Variants in CAMK2D observed in about 807,000 individuals in gnomAD.
The protein encoded by CAMK2D is calcium/calmodulin dependent protein kinase II delta.
Under a neutral mutation model 84.0 loss-of-function variants are expected in CAMK2D, and 37 were observed. The ratio of observed to expected loss-of-function variants is 0.44; its 90% CI spans 0.34 to 0.58. CAMK2D has a LOEUF of 0.58. Ranked by LOEUF, CAMK2D falls within the 20% of genes least tolerant of loss-of-function variation. The pLI is 0.02. For missense variants in CAMK2D, 448 were observed against 652.5 expected, an observed-to-expected ratio of 0.69 and a Z score of 3.41; for synonymous variants, 202 against 212.5, an observed-to-expected ratio of 0.95 and a Z score of 0.43.
intron 2 of CAMK2D, among the ~76,000 whole-genome samples, chr4:113,726,420 A>C (rs1234683465): frequency 2.8e-5 from 3 of 108,686 alleles, no homozygotes; most frequent in Non-Finnish European, 5.1e-5. Flanking sequence ...TCACTCTGTT[A>C]CTCAGGCTGG....
At chr4:113,736,202 C>G (rs2099580965) in intron 2 of CAMK2D, among the ~76,000 whole-genome samples, 1 of 150,810 alleles carries the variant, frequency 6.6e-6, no homozygotes, top group Non-Finnish European at 1.5e-5. Context: ...TTACTGCCAT[C>G]TTAAAATCAG....
At chr4:113,706,883 C>G (rs1405158827) in intron 2 of CAMK2D, among the ~76,000 whole-genome samples, 1 of 152,056 alleles carries the variant, frequency 6.6e-6, no homozygotes, top group Non-Finnish European at 1.5e-5. Context: ...GCATTTTTAA[C>G]AACACAATCA....
intron 17 of CAMK2D, among the ~76,000 whole-genome samples, chr4:113,463,079 G>A (rs2097410157): frequency 6.6e-6 from 1 of 152,006 alleles, no homozygotes; most frequent in Admixed American, 6.6e-5. Flanking sequence ...ATAAAGAATG[G>A]ATACACTCAT....
At chr4:113,725,080 T>C (rs956518698) in intron 2 of CAMK2D, among the ~76,000 whole-genome samples, 24 of 152,198 alleles carry the variant, frequency 1.6e-4, no homozygotes, top group Non-Finnish European at 2.8e-4. Flanking sequence ...TAGATATGCA[T>C]TAAAACCCAT....
chr4:113,590,295 T>C (rs1429573794), intron 4 of CAMK2D, among the ~76,000 whole-genome samples: 1 of 152,192 alleles, frequency 6.6e-6, no homozygotes, highest in African/African-American at 2.4e-5. Context: ...ACAGGTTAAC[T>C]TGATAGTATA....
At chr4:113,568,870 C>T (rs1403335178) in intron 4 of CAMK2D, among the ~76,000 whole-genome samples, 2 of 151,780 alleles carry the variant, frequency 1.3e-5, no homozygotes, top group Non-Finnish European at 2.9e-5. Context: ...TTTCTATGGG[C>T]TTATTGGTCA....
chr4:113,740,696 G>A (rs183715536), intron 2 of CAMK2D, among the ~76,000 whole-genome samples: 35 of 152,064 alleles, frequency 2.3e-4, no homozygotes, highest in Non-Finnish European at 4.3e-4. Flanking sequence ...CAATAGTCAT[G>A]CTTCCTCACT....
At chr4:113,609,613 C>T (rs1377141922) in intron 3 of CAMK2D, among the ~76,000 whole-genome samples, 3 of 152,170 alleles carry the variant, frequency 2.0e-5, no homozygotes, top group African/African-American at 7.2e-5. Flanking sequence ...ACTCTCTTTG[C>T]TATCACCTTA....
intron 2 of CAMK2D, among the ~76,000 whole-genome samples, chr4:113,703,604 C>T (rs1469302724): frequency 1.3e-5 from 2 of 152,176 alleles, no homozygotes; most frequent in South Asian, 2.1e-4. Context: ...TGAGCCACCA[C>T]GCCTGGCCAG....
chr4:113,476,165 C>T (rs977069397), intron 16 of CAMK2D, among the ~76,000 whole-genome samples: 3 of 152,084 alleles, frequency 2.0e-5, no homozygotes, highest in South Asian at 2.1e-4. Flanking sequence ...CAGGGCTCAA[C>T]GTAATATGTG....
chr4:113,653,551 G>A (rs190620036), intron 3 of CAMK2D, among the ~76,000 whole-genome samples: 7 of 151,932 alleles, frequency 4.6e-5, no homozygotes, highest in Admixed American at 1.3e-4. Flanking sequence ...AAAAAACTGC[G>A]TCGCTTTCTT....
At chr4:113,513,698 C>T (rs2098248480) in intron 11 of CAMK2D, 132 bp downstream of exon 11, 1 of 611,138 alleles carries the variant, frequency 1.6e-6, no homozygotes, top group East Asian at 2.8e-5. Context: ...TTCCCAAGAG[C>T]CCCAAAAAGA....
chr4:113,761,294 T>C lies in CAMK2D; in HGVS notation c.-226A>G. The stretch of plus-strand genomic sequence containing the variant: ...CCTCCCCACAGTCCGCCGATCCTCC[T>C]CCTCCTGCGGGCCTCGCTTCCTTCT... On this transcript the variant is annotated 5_prime_UTR_variant, in exon 1 of 21. Transcript: ENST00000511664. The C allele has an allele frequency of 1.4e-6, 2 of 1,423,962 alleles. No homozygotes were observed. The highest frequency in any genetic ancestry group is 5.1e-5 in the East Asian group (2 of 39,024). 88.2% of individuals were successfully genotyped at this position (1,423,962 alleles called of 1,614,324 possible).
intron 3 of CAMK2D, among the ~76,000 whole-genome samples, chr4:113,618,796 A>G (rs750964228): frequency 1.3e-5 from 2 of 152,202 alleles, no homozygotes; most frequent in Non-Finnish European, 2.9e-5. Flanking sequence ...GAACTTGCTC[A>G]TGAATTAGAT....
At chr4:113,618,830 T>C (rs2099032509) in intron 3 of CAMK2D, among the ~76,000 whole-genome samples, 1 of 152,202 alleles carries the variant, frequency 6.6e-6, no homozygotes, top group Non-Finnish European at 1.5e-5. Context: ...TGAAGAATAC[T>C]AGTAAATATA....
intron 7 of CAMK2D, among the ~76,000 whole-genome samples, chr4:113,534,392 T>C (rs2098476632): frequency 6.6e-6 from 1 of 152,214 alleles, no homozygotes; most frequent in African/African-American, 2.4e-5. Context: ...TCTGTTTTTC[T>C]GTACTTCTGA....
chr4:113,739,572 CA>C (rs1246786716), intron 2 of CAMK2D, among the ~76,000 whole-genome samples: 4 of 152,084 alleles, frequency 2.6e-5, no homozygotes, highest in Non-Finnish European at 5.9e-5. Flanking sequence ...GCTCCCAAGC[CA>C]AATTCTTTCT....
At chr4:113,615,204 T>C (rs1297214085) in intron 3 of CAMK2D, among the ~76,000 whole-genome samples, 1 of 152,142 alleles carries the variant, frequency 6.6e-6, no homozygotes, top group Non-Finnish European at 1.5e-5. Flanking sequence ...AGTTAGGCCA[T>C]CTAACACGCC....
At chr4:113,748,357 C>T (rs562779364) in intron 2 of CAMK2D, among the ~76,000 whole-genome samples, 5 of 151,986 alleles carry the variant, frequency 3.3e-5, no homozygotes, top group South Asian at 4.2e-4. Flanking sequence ...ATTTCTCGCT[C>T]GCATACTTTG....
Sources: gnomAD v4.1 joint callset for allele counts (sites outside exome capture counted in the v4.1 genomes callset) on GRCh38, gnomAD v4.1.1 for gene constraint, MANE v1.5 for transcripts, NCBI Gene and HGNC (gene_info 2026-07-23, HGNC 2026-07-21) for gene names.